C6: variants seen among roughly 807,000 people sequenced by gnomAD.
C6 encodes the protein complement component C6.
Under a neutral mutation model 112.9 loss-of-function variants are expected in C6, and 101 were observed. That is an observed-to-expected ratio of 0.89 (90% CI 0.76 to 1.06). The LOEUF is 1.06. C6 is among the 50% of genes least tolerant of loss of function. C6 has a pLI of 0.00. For synonymous variants in C6, 431 were observed against 384.1 expected, an observed-to-expected ratio of 1.12 and a Z score of -1.43; for missense variants, 1,202 against 1,104.6, an observed-to-expected ratio of 1.09 and a Z score of -1.25.
intron 15 of C6, 56 bp from the exon 16 acceptor site, chr5:41,150,081 T>C (rs1379383085): frequency 1.8e-6 from 2 of 1,099,716 alleles, no homozygotes; most frequent in Non-Finnish European, 2.8e-6. Context: ...TTCTAAGTGA[T>C]AAGCTTGAAT....
At chr5:41,194,049 C>T (rs1029403366) in intron 5 of C6, among the ~76,000 whole-genome samples, 2 of 152,128 alleles carry the variant, frequency 1.3e-5, no homozygotes, top group Admixed American at 6.5e-5. Context: ...GCATGTGGTC[C>T]TCCCCATCTG....
intron 1 of C6, among the ~76,000 whole-genome samples, chr5:41,255,996 T>C (rs942215138): frequency 6.6e-6 from 1 of 152,198 alleles, no homozygotes; most frequent in Non-Finnish European, 1.5e-5. Flanking sequence ...ATGAGGTTGC[T>C]GTGCAGTGAG....
In C6 at chr5:41,176,504, TG is replaced by T. The variant is rs375762365; in HGVS notation, c.1138del (p.Gln380SerfsTer7). On this transcript the variant is annotated frameshift_variant, in exon 8 of 18. Coordinates refer to ENST00000337836, the MANE Select transcript of C6 (RefSeq NM_000065.5). LOFTEE classifies it high-confidence loss of function. The part of the protein sequence containing the change: ...SLGGVYDLLY[Q>X]FSSEELKNSG... ...GTTCTTTAGTTCCTCACTGCTAAAC[TG>T]ATAGAGAAGGTCATACACGCCTCCC... 3.5e-4 allele frequency: 568 copies of T among 1,613,732 alleles called. 3 individuals carry two copies. The African/African-American group carries it at 6.8e-3, about 19-fold the overall frequency.
At chr5:41,176,915 G>A (rs958640257) in intron 7 of C6, among the ~76,000 whole-genome samples, 200 bp from the exon 8 acceptor site, 2 of 76,864 alleles carry the variant, frequency 2.6e-5, no homozygotes, top group Non-Finnish European at 8.3e-5. Flanking sequence ...GTGCAAAACA[G>A]GTAAGATTAT....
At chr5:41,175,698 A>G (rs1748783075) in intron 8 of C6, among the ~76,000 whole-genome samples, 1 of 152,224 alleles carries the variant, frequency 6.6e-6, no homozygotes. Flanking sequence ...AGAAGTGACC[A>G]GAATAATTTC....
intron 4 of C6, among the ~76,000 whole-genome samples, chr5:41,198,282 AAAAC>A (rs1181806558): frequency 6.6e-6 from 1 of 152,168 alleles, no homozygotes; most frequent in East Asian, 1.9e-4. Flanking sequence ...TTGAGTCAGA[AAAAC>A]AATCATTCAT....
intron 1 of C6, among the ~76,000 whole-genome samples, chr5:41,205,800 T>C (rs1275930890): frequency 6.6e-6 from 1 of 152,180 alleles, no homozygotes; most frequent in Non-Finnish European, 1.5e-5. Context: ...GGGGCAGGCA[T>C]AGCTGAACAA....
Position 41,200,891 on chromosome 5 carries a change from G to GTTTTTTTTTTTTTTT in C6, c.300+652_300+666dup, listed in dbSNP as rs143443464. ...TGTTTTTGTTGTTGTTGTTGTTGTT[G>GTTTTTTTTTTTTTTT]TTTTTTTTTTTTTTTTTTTTTTTTT... On this transcript the variant is annotated intron_variant, in intron 3 of 17. Coordinates refer to ENST00000337836, the MANE Select transcript of C6 (RefSeq NM_000065.5). Among the ~76,000 whole-genome samples the GTTTTTTTTTTTTTTT allele has an allele frequency of 4.8e-4, 34 of 70,654 alleles. 3 individuals carry two copies. Among genetic ancestry groups the GTTTTTTTTTTTTTTT allele is most frequent in the African/African-American group, 7.1e-4 (11 of 15,468 alleles). The allele number at this position is 70,654 out of a possible 152,430, so 46.4% of individuals were successfully genotyped here. A position where few individuals can be genotyped will look rare whatever the true frequency, so the allele number is the denominator to read the frequency against.
chr5:41,226,409 T>C (rs1292050567), intron 1 of C6, among the ~76,000 whole-genome samples: 1 of 152,048 alleles, frequency 6.6e-6, no homozygotes, highest in Non-Finnish European at 1.5e-5. Flanking sequence ...TGAGATACCA[T>C]CTCACACCAG....
chr5:41,201,877 T>C (rs1224804923), intron 2 of C6, among the ~76,000 whole-genome samples, 163 bp from the exon 3 acceptor site: 3 of 152,110 alleles, frequency 2.0e-5, no homozygotes, highest in South Asian at 2.1e-4. Flanking sequence ...CACCACTTAA[T>C]AGAACTCAGG....
At chr5:41,260,746 G>A (rs1335087670) in intron 1 of C6, among the ~76,000 whole-genome samples, 1 of 151,284 alleles carries the variant, frequency 6.6e-6, no homozygotes, top group African/African-American at 2.4e-5. Context: ...TTGCACTCCA[G>A]CCTGGGCAAC....
rs890467942 is a variant in C6, at chr5:41,202,972, A to G, written c.143+116T>C. On this transcript the variant is annotated intron_variant, in intron 2 of 17. Coordinates refer to ENST00000337836, the MANE Select transcript of C6 (RefSeq NM_000065.5). ...ACTTCAAATTTCATCCAAATTTGTAAGTTCTTACTTTGATATATATATGTT... is the reference window on the plus strand; with the variant it reads ...ACTTCAAATTTCATCCAAATTTGTAGGTTCTTACTTTGATATATATATGTT... 4.2e-5 allele frequency: 42 copies of G among 1,004,044 alleles called. No individual in the cohort carries two copies. The African/African-American group carries it at 5.1e-4, about 12-fold the overall frequency. The allele number at this position is 1,004,044 out of a possible 1,614,324, so 62.2% of individuals were successfully genotyped here. A position where few individuals can be genotyped will look rare whatever the true frequency, so the allele number is the denominator to read the frequency against.
chr5:41,164,423 T>C (rs115826056), intron 9 of C6, among the ~76,000 whole-genome samples: 6,937 of 152,188 alleles, frequency 0.046, 169 homozygotes, highest in Middle Eastern at 0.071. Flanking sequence ...CGTTGTGCCA[T>C]GCTCTGGAGA....
rs1746648828 is a variant in C6, at chr5:41,153,901, G to T, written c.2199C>A (p.Pro733=). 2 of 1,613,692 alleles carry T rather than the reference G, an allele frequency of 1.2e-6. No homozygotes were observed. Among genetic ancestry groups the T allele is most frequent in the East Asian group, 4.5e-5 (2 of 44,844 alleles). The change falls in exon 15 of 18, where the codon CCC becomes CCA. Residue 733 remains proline, a synonymous_variant. Coordinates refer to ENST00000337836, the MANE Select transcript of C6 (RefSeq NM_000065.5). ...RIGESIELTC[P]KGFVVAGPSR... is the part of the protein sequence containing the mutation. ...ATGGCCCAGCAACAACAAAGCCTTT[G>T]GGGCAAGTTAGCTCAATGGATTCAC...
chr5:41,145,411 C>G (rs139279395), intron 17 of C6, among the ~76,000 whole-genome samples: 1,703 of 152,136 alleles, frequency 0.011, 32 homozygotes, highest in African/African-American at 0.039. Context: ...CTGGATCAAC[C>G]GACTTGAAAT....
chr5:41,233,236 C>T (rs1016795762), intron 1 of C6, among the ~76,000 whole-genome samples: 9 of 152,122 alleles, frequency 5.9e-5, no homozygotes, highest in African/African-American at 2.2e-4. Context: ...GATAACTGCT[C>T]TAACTACTCA....
intron 2 of C6, among the ~76,000 whole-genome samples, chr5:41,202,194 C>T (rs112706757): frequency 2.0e-5 from 3 of 152,208 alleles, no homozygotes; most frequent in East Asian, 1.9e-4. Flanking sequence ...GAATAATTCA[C>T]GTGAATTCTC....
At chr5:41,224,504 A>G (rs1026255572) in intron 1 of C6, among the ~76,000 whole-genome samples, 1 of 152,076 alleles carries the variant, frequency 6.6e-6, no homozygotes, top group African/African-American at 2.4e-5. Flanking sequence ...ATAATATAAT[A>G]CGTCGTCTTT....
At chr5:41,210,014 C>G (rs1383115654) in intron 1 of C6, among the ~76,000 whole-genome samples, 3 of 152,116 alleles carry the variant, frequency 2.0e-5, no homozygotes, top group Non-Finnish European at 4.4e-5. Context: ...GGTACCAAAA[C>G]AGAGATATAG....
Sources: gnomAD v4.1 joint callset for allele counts (sites outside exome capture counted in the v4.1 genomes callset) on GRCh38, gnomAD v4.1.1 for gene constraint, MANE v1.5 for transcripts, NCBI Gene and HGNC (gene_info 2026-07-23, HGNC 2026-07-21) for gene names.